RYR3: variants seen among roughly 807,000 people sequenced by gnomAD.
RYR3 encodes brain ryanodine receptor-calcium release channel.
Under a neutral mutation model 584.3 loss-of-function variants are expected in RYR3, and 207 were observed. The observed-to-expected ratio is 0.35, with a 90% CI of 0.32 to 0.40. RYR3 has a LOEUF of 0.40. Among genes scored for constraint, RYR3 ranks in the 10% least tolerant of loss-of-function variants. The pLI, the probability that RYR3 is intolerant of heterozygous loss-of-function variation, is 1.00. For synonymous variants in RYR3, 2,416 were observed against 2,248.5 expected, an observed-to-expected ratio of 1.07 and a Z score of -2.11; for missense variants, 5,616 against 6,089.2, an observed-to-expected ratio of 0.92 and a Z score of 2.59.
intron 67 of RYR3, among the ~76,000 whole-genome samples, chr15:33,791,373 CACA>C (rs2075145259): frequency 2.0e-5 from 3 of 152,114 alleles, no homozygotes; most frequent in Admixed American, 6.5e-5. Context: ...CACACACACA[CACA>C]CACACACCCC....
Position 33,823,081 on chromosome 15 carries a change from G to A in RYR3, c.11072+9G>A, listed in dbSNP as rs925833992. Reference sequence around the variant, plus strand: ...CTTATGCAGTCTTGCAGGTAAATGCGGGAAAACTACCATAGCATTTAAAAA... The same window carrying A: ...CTTATGCAGTCTTGCAGGTAAATGCAGGAAAACTACCATAGCATTTAAAAA... On this transcript the variant is annotated intron_variant, in intron 81 of 103. Transcript: ENST00000634891. The A allele has an allele frequency of 1.2e-5, 19 of 1,609,166 alleles. No individual in the cohort carries two copies. The highest frequency in any genetic ancestry group is 1.6e-5 in the Non-Finnish European group (19 of 1,177,166).
At chr15:33,381,253 C>T (rs1210964896) in intron 1 of RYR3, among the ~76,000 whole-genome samples, 1 of 152,078 alleles carries the variant, frequency 6.6e-6, no homozygotes, top group Non-Finnish European at 1.5e-5. Flanking sequence ...GCCCGAGACC[C>T]ATATGTTACA....
intron 38 of RYR3, among the ~76,000 whole-genome samples, chr15:33,685,500 G>C (rs1436003008): frequency 6.6e-6 from 1 of 152,156 alleles, no homozygotes; most frequent in Admixed American, 6.5e-5. Flanking sequence ...AATAATGGGA[G>C]ACTTTAACAC....
intron 1 of RYR3, among the ~76,000 whole-genome samples, chr15:33,446,959 A>G (rs574400516): frequency 6.6e-6 from 1 of 152,244 alleles, no homozygotes; most frequent in Non-Finnish European, 1.5e-5. Context: ...TCTTTCCCCA[A>G]CAAATGGAGT....
chr15:33,594,233 C>T (rs777948495), intron 16 of RYR3, among the ~76,000 whole-genome samples: 1 of 152,166 alleles, frequency 6.6e-6, no homozygotes, highest in African/African-American at 2.4e-5. Context: ...CACACCATTC[C>T]AGTCAAAGCC....
intron 2 of RYR3, among the ~76,000 whole-genome samples, chr15:33,490,864 C>T (rs2050909297): frequency 1.3e-5 from 2 of 152,064 alleles, no homozygotes; most frequent in Non-Finnish European, 2.9e-5. Context: ...GCTCACTACT[C>T]AATTTCCTTG....
At chr15:33,572,225 T>A (rs1291171194) in intron 12 of RYR3, among the ~76,000 whole-genome samples, 2 of 152,206 alleles carry the variant, frequency 1.3e-5, no homozygotes, top group Non-Finnish European at 2.9e-5. Context: ...TGTTTTTATA[T>A]TGTTTCTGGT....
At chr15:33,489,819 C>T (rs1011724844) in intron 2 of RYR3, among the ~76,000 whole-genome samples, 13 of 152,306 alleles carry the variant, frequency 8.5e-5, no homozygotes, top group African/African-American at 2.2e-4. Context: ...CTACCACCAA[C>T]GGTGTGTAAG....
At chr15:33,713,471 G>T (rs1024685062) in intron 43 of RYR3, among the ~76,000 whole-genome samples, 2 of 151,894 alleles carry the variant, frequency 1.3e-5, no homozygotes, top group African/African-American at 4.8e-5. Flanking sequence ...ATATAGGGGG[G>T]TTATAAGGGT....
chr15:33,436,381 C>T (rs150685773), intron 1 of RYR3, among the ~76,000 whole-genome samples: 2 of 152,160 alleles, frequency 1.3e-5, no homozygotes, highest in East Asian at 3.9e-4. Context: ...CTATCTTTTC[C>T]AAATAATTCA....
At chr15:33,722,961 C>T (rs370751908) in intron 44 of RYR3, 66 bp downstream of exon 44, 11 of 1,376,834 alleles carry the variant, frequency 8.0e-6, no homozygotes, top group East Asian at 4.7e-5. Flanking sequence ...TATTGGTATA[C>T]GGATGATTTA....
chr15:33,777,940 C>T (rs923941261), intron 64 of RYR3, among the ~76,000 whole-genome samples: 35 of 152,076 alleles, frequency 2.3e-4, no homozygotes, highest in South Asian at 2.1e-4. Flanking sequence ...GAGGCAGAGG[C>T]GGGCGGATCA....
chr15:33,788,711 G>A (rs1251320097), intron 67 of RYR3, among the ~76,000 whole-genome samples: 1 of 152,186 alleles, frequency 6.6e-6, no homozygotes, highest in Non-Finnish European at 1.5e-5. Context: ...CAGGTCAGAG[G>A]AAGTTGGTCA....
Position 33,703,914 on chromosome 15 carries a change from T to A in RYR3, c.6483+2834T>A, listed in dbSNP as rs571844751. Among the ~76,000 whole-genome samples the A allele has an allele frequency of 2.6e-5, 4 of 152,258 alleles. No homozygotes were observed. The South Asian group carries it at 6.2e-4, about 24-fold the overall frequency. Reference sequence around the variant, plus strand: ...TATTTACTGGCCTTATCAAATATGATGTTTATCAAACAACCCAATACCATA... The same window carrying A: ...TATTTACTGGCCTTATCAAATATGAAGTTTATCAAACAACCCAATACCATA... On this transcript the variant is annotated intron_variant, in intron 42 of 103. Coordinates refer to ENST00000634891, the MANE Select transcript of RYR3 (RefSeq NM_001036.6).
chr15:33,515,931 T>C (rs75899786), intron 3 of RYR3, among the ~76,000 whole-genome samples: 3,572 of 152,338 alleles, frequency 0.023, 51 homozygotes, highest in Non-Finnish European at 0.036. Context: ...TCGCACTTCC[T>C]CACATTTACA....
At chr15:33,834,672 C>G (rs1345592746) in intron 86 of RYR3, among the ~76,000 whole-genome samples, 1 of 152,134 alleles carries the variant, frequency 6.6e-6, no homozygotes, top group East Asian at 1.9e-4. Flanking sequence ...CAACATTTCA[C>G]TGTTTTAAAT....
rs757325144 is a variant in RYR3, at chr15:33,539,436, G to A, written c.520G>A (p.Val174Ile). ...TCGAATTGGCGATGACCTCATCCTC[G>A]TCAGCGTGTCCTCTGAAAGATACCT... is the stretch of plus-strand genomic sequence containing the variant. ...KVRIGDDLILVSVSSERYLHL... is the reference protein window; with the variant it reads ...KVRIGDDLILISVSSERYLHL... Residue 174 changes from valine to isoleucine, a missense_variant, in exon 6 of 104, where the codon GTC becomes ATC. Val to Ile is a conservative substitution (Grantham distance 29). Transcript: ENST00000634891. 53 of 1,598,102 alleles carry A rather than the reference G, an allele frequency of 3.3e-5. No individual in the cohort carries two copies. Among genetic ancestry groups the A allele is most frequent in the African/African-American group, 5.4e-5 (4 of 74,610 alleles).
At chr15:33,697,638 C>T (rs2065942508) in intron 39 of RYR3, among the ~76,000 whole-genome samples, 1 of 152,132 alleles carries the variant, frequency 6.6e-6, no homozygotes, top group Non-Finnish European at 1.5e-5. Context: ...TTTAATAGGT[C>T]ATCAGAAAGA....
chr15:33,674,877 G>A (rs2064066605), intron 38 of RYR3, among the ~76,000 whole-genome samples: 1 of 150,722 alleles, frequency 6.6e-6, no homozygotes, highest in African/African-American at 2.4e-5. Flanking sequence ...GTTGAGAATG[G>A]CTGAATTATA....
Sources: gnomAD v4.1 joint callset for allele counts (sites outside exome capture counted in the v4.1 genomes callset) on GRCh38, gnomAD v4.1.1 for gene constraint, MANE v1.5 for transcripts, NCBI Gene and HGNC (gene_info 2026-07-23, HGNC 2026-07-21) for gene names.